The following CSMD1 variants were observed in gnomAD, a reference collection of about 807,000 sequenced individuals.
The protein encoded by CSMD1 is CUB and sushi domain-containing protein 1.
A neutral mutation model predicts 417.5 loss-of-function variants in CSMD1; 213 were observed. That is an observed-to-expected ratio of 0.51 (90% CI 0.46 to 0.57). The LOEUF (loss-of-function observed/expected upper bound fraction) is 0.57, where lower values mean the gene tolerates loss of function less well. Ranked by LOEUF, CSMD1 falls within the 20% of genes least tolerant of loss-of-function variation. The pLI is 0.00. For synonymous variants in CSMD1, 2,862 were observed against 1,736.8 expected (o/e 1.65, Z -16.11); for missense variants, 6,923 against 4,529.7 (o/e 1.53, Z -15.17).
intron 1 of CSMD1, among the ~76,000 whole-genome samples, chr8:4,960,958 T>G (rs1371147408): frequency 6.6e-6 from 1 of 152,166 alleles, no homozygotes; most frequent in Non-Finnish European, 1.5e-5. Context: ...TTTTAAACAA[T>G]GCACTTAGCC....
At chr8:4,785,335 C>T (rs1411068962) in intron 1 of CSMD1, among the ~76,000 whole-genome samples, 3 of 152,118 alleles carry the variant, frequency 2.0e-5, no homozygotes, top group South Asian at 2.1e-4. Flanking sequence ...GAAGACTTTG[C>T]TCTTAGGCTG....
intron 12 of CSMD1, among the ~76,000 whole-genome samples, chr8:3,454,212 A>G (rs1361420588): frequency 6.6e-6 from 1 of 152,112 alleles, no homozygotes; most frequent in Non-Finnish European, 1.5e-5. Flanking sequence ...GTGTCTCTGC[A>G]CGTTAGATGG....
intron 5 of CSMD1, among the ~76,000 whole-genome samples, chr8:3,980,377 GT>G (rs57252701): frequency 0.23 from 35,700 of 152,004 alleles, 4,284 homozygotes; most frequent in East Asian, 0.4. Context: ...GGTATTTTAA[GT>G]GTTGACCTAT....
intron 5 of CSMD1, among the ~76,000 whole-genome samples, chr8:3,840,189 T>A (rs761276746): frequency 1.3e-5 from 2 of 152,204 alleles, no homozygotes; most frequent in East Asian, 3.9e-4. Context: ...AGGGCCTTCA[T>A]AAAGTAACTA....
intron 12 of CSMD1, among the ~76,000 whole-genome samples, chr8:3,427,052 T>C (rs1357028045): frequency 1.3e-5 from 2 of 152,108 alleles, no homozygotes; most frequent in African/African-American, 4.8e-5. Context: ...TCATGAGAAC[T>C]CACTCACTAT....
intron 3 of CSMD1, among the ~76,000 whole-genome samples, chr8:4,250,171 C>T (rs114739546): frequency 1.3e-5 from 2 of 152,172 alleles, no homozygotes; most frequent in African/African-American, 4.8e-5. Context: ...GAACTGTGAA[C>T]CAATACATTT....
intron 10 of CSMD1, among the ~76,000 whole-genome samples, chr8:3,540,487 C>T (rs1402428442): frequency 6.6e-6 from 1 of 152,084 alleles, no homozygotes; most frequent in Non-Finnish European, 1.5e-5. Context: ...GAATTCATGA[C>T]AAAAATGTCA....
chr8:4,362,859 C>T (rs904802328), intron 3 of CSMD1, among the ~76,000 whole-genome samples: 2 of 152,050 alleles, frequency 1.3e-5, no homozygotes, highest in African/African-American at 2.4e-5. Flanking sequence ...ATCAGGGTCT[C>T]TATAAATTCA....
At chr8:4,804,841 T>C (rs1423293873) in intron 1 of CSMD1, among the ~76,000 whole-genome samples, 2 of 152,228 alleles carry the variant, frequency 1.3e-5, no homozygotes, top group Admixed American at 1.3e-4. Flanking sequence ...ATTTAACAAA[T>C]ACAGACATGG....
At chr8:3,851,832 G>A (rs1238019794) in intron 5 of CSMD1, among the ~76,000 whole-genome samples, 2 of 152,276 alleles carry the variant, frequency 1.3e-5, no homozygotes, top group East Asian at 1.9e-4. Context: ...GACTGAGGGC[G>A]CCAGGAGGGT....
chr8:3,951,848 T>C (rs753066972), intron 5 of CSMD1, among the ~76,000 whole-genome samples: 9 of 151,368 alleles, frequency 5.9e-5, no homozygotes, highest in Non-Finnish European at 1.2e-4. Context: ...AAAAGAAAAA[T>C]TAAATACATA....
chr8:4,746,667 C>G (rs1211071576), intron 1 of CSMD1, among the ~76,000 whole-genome samples: 2 of 152,148 alleles, frequency 1.3e-5, no homozygotes, highest in African/African-American at 4.8e-5. Flanking sequence ...CTATGCAGTT[C>G]ATTTATGCAT....
At chr8:4,845,393 A>T (rs900998327) in intron 1 of CSMD1, among the ~76,000 whole-genome samples, 3 of 152,238 alleles carry the variant, frequency 2.0e-5, no homozygotes, top group Non-Finnish European at 2.9e-5. Context: ...GATCCTGTTT[A>T]CAAGTGATAT....
At chr8:3,885,483 A>C (rs1343770041) in intron 5 of CSMD1, among the ~76,000 whole-genome samples, 1 of 152,174 alleles carries the variant, frequency 6.6e-6, no homozygotes, top group Non-Finnish European at 1.5e-5. Flanking sequence ...CTCAGAGATG[A>C]AAATAAACTC....
In CSMD1 at chr8:3,445,642, C is replaced by T. The variant is rs149409513; in HGVS notation, c.1561+23070G>A. 7.2e-3 allele frequency among the ~76,000 whole-genome samples: 1,092 copies of T among 152,152 alleles called. 13 individuals are homozygous for T. The highest frequency in any genetic ancestry group is 0.025 in the African/African-American group (1,026 of 41,518). On this transcript the variant is annotated intron_variant, in intron 12 of 69. Transcript: ENST00000635120. ...GAGAGGCCATTCACTTGGGAGACAG[C>T]TGTAATAACCAAGGTAGAAATACGT...
At chr8:4,560,963 T>C (rs1368420487) in intron 2 of CSMD1, among the ~76,000 whole-genome samples, 1 of 152,236 alleles carries the variant, frequency 6.6e-6, no homozygotes, top group African/African-American at 2.4e-5. Context: ...AAAGATTAAG[T>C]CTTCCACTGT....
intron 3 of CSMD1, among the ~76,000 whole-genome samples, chr8:4,206,111 G>A (rs1465189713): frequency 1.3e-5 from 2 of 152,170 alleles, no homozygotes; most frequent in East Asian, 1.9e-4. Flanking sequence ...AAACAACGCA[G>A]GGAAAAGGAT....
chr8:4,924,487 C>T (rs1806716930), intron 1 of CSMD1, among the ~76,000 whole-genome samples: 1 of 152,088 alleles, frequency 6.6e-6, no homozygotes, highest in Non-Finnish European at 1.5e-5. Context: ...CTTTGAGAGG[C>T]TGGGGCGGGT....
intron 7 of CSMD1, among the ~76,000 whole-genome samples, chr8:3,627,480 T>C (rs1452488902): frequency 6.6e-6 from 1 of 152,202 alleles, no homozygotes; most frequent in African/African-American, 2.4e-5. Context: ...AGTCGTGCTA[T>C]TATTTTTATT....
Sources: gnomAD v4.1 joint callset for allele counts (sites outside exome capture counted in the v4.1 genomes callset) on GRCh38, gnomAD v4.1.1 for gene constraint, MANE v1.5 for transcripts, NCBI Gene and HGNC (gene_info 2026-07-23, HGNC 2026-07-21) for gene names.